Variants in FGF14 observed in about 807,000 individuals in gnomAD.
The protein encoded by FGF14 is fibroblast growth factor 14.
Under a neutral mutation model 25.5 loss-of-function variants are expected in FGF14, and 5 were observed. The observed-to-expected ratio is 0.20, with a 90% CI of 0.10 to 0.41. FGF14 has a LOEUF of 0.41. Ranked by LOEUF, FGF14 falls within the 10% of genes least tolerant of loss-of-function variation. FGF14 has a pLI of 1.00. For synonymous variants in FGF14, 138 were observed against 118.3 expected (o/e 1.17, Z -1.08); for missense variants, 222 against 320.1 (o/e 0.69, Z 2.34).
intron 3 of FGF14, among the ~76,000 whole-genome samples, chr13:101,727,626 G>T (rs2035529058): frequency 6.6e-6 from 1 of 152,058 alleles, no homozygotes; most frequent in Non-Finnish European, 1.5e-5. Context: ...ATTCACAGAT[G>T]ATTTTTATAT....
rs145430608 is a variant in FGF14 at position 102,277,777 on chromosome 13, C to T, written c.208+123694G>A. ...CCCTTCTCTGCCACATGTTGACATCCATTACAGTGAACCCACAAAAGTGCT... is the reference window on the plus strand; with the variant it reads ...CCCTTCTCTGCCACATGTTGACATCTATTACAGTGAACCCACAAAAGTGCT... On this transcript the variant is annotated intron_variant, in intron 1 of 4. Transcript: ENST00000376131. Among the ~76,000 whole-genome samples, 15 of 152,354 alleles carry T rather than the reference C, an allele frequency of 9.8e-5. No individual in the cohort carries two copies. In the East Asian group the frequency reaches 2.9e-3, roughly 29 times the overall value.
At chr13:102,147,816 T>A (rs536105294) in intron 1 of FGF14, among the ~76,000 whole-genome samples, 1 of 152,174 alleles carries the variant, frequency 6.6e-6, no homozygotes, top group East Asian at 1.9e-4. Flanking sequence ...GTTTGTCTCA[T>A]AGGAAGGTTT....
intron 1 of FGF14, among the ~76,000 whole-genome samples, chr13:101,997,771 G>T (rs1198589906): frequency 6.6e-6 from 1 of 152,202 alleles, no homozygotes; most frequent in African/African-American, 2.4e-5. Flanking sequence ...TGGCAAAATA[G>T]TAGGCCCCTA....
intron 1 of FGF14, among the ~76,000 whole-genome samples, chr13:101,893,077 C>A (rs1035351348): frequency 6.6e-6 from 1 of 152,118 alleles, no homozygotes; most frequent in African/African-American, 2.4e-5. Context: ...GATGCCAGAT[C>A]CTTTCTCAGA....
At chr13:101,971,979 C>A (rs1397712497) in intron 1 of FGF14, among the ~76,000 whole-genome samples, 1 of 152,218 alleles carries the variant, frequency 6.6e-6, no homozygotes, top group Non-Finnish European at 1.5e-5. Context: ...GAGCTCAATG[C>A]TCAGGAACAC....
At chr13:102,225,844 T>C (rs1289964239) in intron 1 of FGF14, among the ~76,000 whole-genome samples, 1 of 152,190 alleles carries the variant, frequency 6.6e-6, no homozygotes, top group East Asian at 1.9e-4. Context: ...GATTCTGCCA[T>C]GCATCTTTTC....
At chr13:102,246,006 A>G (rs1386111420) in intron 1 of FGF14, among the ~76,000 whole-genome samples, 1 of 151,992 alleles carries the variant, frequency 6.6e-6, no homozygotes, top group Non-Finnish European at 1.5e-5. Flanking sequence ...AACATTACCA[A>G]TGTTTTGTTT....
intron 1 of FGF14, among the ~76,000 whole-genome samples, chr13:102,112,415 C>T (rs1022810157): frequency 5.3e-5 from 8 of 152,168 alleles, no homozygotes; most frequent in African/African-American, 1.9e-4. Flanking sequence ...AAATCCGAGT[C>T]ACTTCTCACG....
chr13:102,249,319 T>C (rs2052044196), intron 1 of FGF14, among the ~76,000 whole-genome samples: 1 of 152,064 alleles, frequency 6.6e-6, no homozygotes, highest in African/African-American at 2.4e-5. Context: ...GTTGTTCAAA[T>C]CAGAAGGGAT....
At chr13:101,961,305 G>A (rs1430491117) in intron 1 of FGF14, among the ~76,000 whole-genome samples, 1 of 152,114 alleles carries the variant, frequency 6.6e-6, no homozygotes, top group Non-Finnish European at 1.5e-5. Context: ...TTCTTCTAGG[G>A]TTTTTATAGT....
chr13:102,401,450 C>A, intron 1 of FGF14: 1 of 1,610,074 alleles, frequency 6.2e-7, no homozygotes, highest in East Asian at 2.2e-5. Flanking sequence ...AAAAACATAA[C>A]ATGATGCATG....
At chr13:102,366,341 T>A (rs2057711648) in intron 1 of FGF14, 1 of 152,184 alleles carries the variant, frequency 6.6e-6, no homozygotes, top group Admixed American at 6.5e-5. Flanking sequence ...TTATAACATG[T>A]CGTACCAGTA....
intron 1 of FGF14, among the ~76,000 whole-genome samples, chr13:101,975,302 A>G (rs983393527): frequency 5.9e-5 from 9 of 152,080 alleles, no homozygotes; most frequent in African/African-American, 2.2e-4. Context: ...GGGAGCCAGC[A>G]CTAACCCCCT....
intron 1 of FGF14, among the ~76,000 whole-genome samples, chr13:102,165,998 C>T (rs953666678): frequency 6.6e-5 from 10 of 151,466 alleles, no homozygotes; most frequent in Middle Eastern, 3.4e-3. Flanking sequence ...TAAGTACATT[C>T]ACTTTGTTGT....
intron 3 of FGF14, among the ~76,000 whole-genome samples, chr13:101,783,137 GC>G (rs2039607744): frequency 6.6e-6 from 1 of 152,054 alleles, no homozygotes; most frequent in Admixed American, 6.5e-5. Context: ...GTGATGTTGA[GC>G]CTTTTTTTCA....
At chr13:102,277,521 T>A (rs1413458607) in intron 1 of FGF14, among the ~76,000 whole-genome samples, 1 of 152,130 alleles carries the variant, frequency 6.6e-6, no homozygotes, top group East Asian at 1.9e-4. Flanking sequence ...TAGACACTAT[T>A]CCCTTTCCCA....
At chr13:101,891,666 A>G (rs2029861610) in intron 1 of FGF14, among the ~76,000 whole-genome samples, 1 of 152,116 alleles carries the variant, frequency 6.6e-6, no homozygotes, top group African/African-American at 2.4e-5. Flanking sequence ...ACACAAATCT[A>G]TATATGTATT....
At chr13:101,950,605 T>TA (rs972518000) in intron 1 of FGF14, among the ~76,000 whole-genome samples, 4 of 152,240 alleles carry the variant, frequency 2.6e-5, no homozygotes, top group African/African-American at 9.6e-5. Context: ...CTCTCAAAGA[T>TA]ATCTGTTTGT....
intron 1 of FGF14, among the ~76,000 whole-genome samples, chr13:101,897,618 T>C (rs533988849): frequency 6.6e-6 from 1 of 152,282 alleles, no homozygotes; most frequent in Admixed American, 6.5e-5. Flanking sequence ...TATTAGAGAC[T>C]TTTTCAGGTA....
Sources: allele counts gnomAD v4.1 joint callset (sites outside exome capture counted in the v4.1 genomes callset), GRCh38; gene constraint gnomAD v4.1.1; transcripts MANE v1.5; gene names NCBI Gene and HGNC (gene_info 2026-07-23, HGNC 2026-07-21).